The following DOP1A variants were observed in gnomAD, a reference collection of about 807,000 sequenced individuals.
DOP1A encodes protein DOP1A.
DOP1A carries 90 observed loss-of-function variants against 267.6 expected under a neutral mutation model. The observed-to-expected ratio is 0.34, with a 90% CI of 0.28 to 0.40. DOP1A has a LOEUF of 0.40. Among genes scored for constraint, DOP1A ranks in the 10% least tolerant of loss-of-function variants. The probability of loss-of-function intolerance (pLI) is 1.00; values close to 1 mark genes in which losing one functional copy is unlikely to be tolerated. For missense variants in DOP1A, 2,437 were observed against 2,900.4 expected, an observed-to-expected ratio of 0.84 and a Z score of 3.67; for synonymous variants, 932 against 999.1, an observed-to-expected ratio of 0.93 and a Z score of 1.27.
At chr6:83,104,465 G>A (rs1237780356) in intron 4 of DOP1A, among the ~76,000 whole-genome samples, 5 of 151,978 alleles carry the variant, frequency 3.3e-5, no homozygotes, top group Non-Finnish European at 4.4e-5. Flanking sequence ...TCTTTGTTTA[G>A]TAGAGAATGG....
Position 83,129,119 on chromosome 6 carries a change from TC to T in DOP1A, c.1954del (p.Gln652ArgfsTer5). On this transcript the variant is annotated frameshift_variant, in exon 16 of 39. Transcript: ENST00000349129. LOFTEE classifies it high-confidence loss of function. ...ASTVGSEETI[I>X]QTPSVVTQGT... ...ACTGTGGGATCTGAAGAAACCATCA[TC>T]CAGACCCCTTCCGTAGTCACTCAGG... The T allele has an allele frequency of 6.2e-7, 1 of 1,613,940 alleles. No individual in the cohort carries two copies. Among genetic ancestry groups the T allele is most frequent in the Non-Finnish European group, 8.5e-7 (1 of 1,179,934 alleles).
Position 83,129,012 on chromosome 6 carries a change from T to C in DOP1A, c.1845T>C (p.Asp615=). 3.1e-6 allele frequency: 5 copies of C among 1,613,648 alleles called. No individual in the cohort carries two copies. Among genetic ancestry groups the C allele is most frequent in the Non-Finnish European group, 4.2e-6 (5 of 1,179,798 alleles). Residue 615 remains aspartate (D), a synonymous_variant, in exon 16 of 39, where the codon GAT becomes GAC. Transcript: ENST00000349129. The part of the protein sequence containing the change: ...FIQYQADRTD[D]IDRELSEGQG... ...AATATCAAGCAGACCGAACTGATGA[T>C]ATTGACAGAGAACTGAGTGAGGGCC... is the stretch of plus-strand genomic sequence containing the variant.
chr6:83,069,950 AT>A (rs1315174270), intron 1 of DOP1A, among the ~76,000 whole-genome samples: 1 of 152,218 alleles, frequency 6.6e-6, no homozygotes, highest in Admixed American at 6.5e-5. Context: ...TTAAGAGCTT[AT>A]ATCATGGAAA....
intron 10 of DOP1A, 136 bp from the exon 11 acceptor site, chr6:83,121,794 T>G: frequency 2.3e-6 from 2 of 860,696 alleles, no homozygotes; most frequent in South Asian, 4.2e-5. Flanking sequence ...GAAGTGTGAA[T>G]TTAGCTTAGC....
Position 83,097,122 on chromosome 6 carries a change from C to T in DOP1A, c.138+7C>T. ...ACTTGGAAAACTTAATAAGGTATGT[C>T]TGTATTATCCATTTCATAAAAGGAG... is the stretch of plus-strand genomic sequence containing the variant. On this transcript the variant is annotated splice_region_variant and intron_variant, in intron 3 of 38. Transcript: ENST00000349129. 6.2e-7 allele frequency: 1 copy of T among 1,609,220 alleles called. No individual in the cohort carries two copies. Among genetic ancestry groups the T allele is most frequent in the Non-Finnish European group, 8.5e-7 (1 of 1,178,228 alleles).
intron 20 of DOP1A, among the ~76,000 whole-genome samples, chr6:83,136,574 A>G (rs1778894336): frequency 6.6e-6 from 1 of 152,104 alleles, no homozygotes. Flanking sequence ...ATGGCTATTA[A>G]GTGATGAAGC....
intron 26 of DOP1A, among the ~76,000 whole-genome samples, 154 bp downstream of exon 26, chr6:83,147,445 T>G (rs974489542): frequency 6.6e-6 from 1 of 152,168 alleles, no homozygotes; most frequent in Non-Finnish European, 1.5e-5. Flanking sequence ...GATTCCTAGA[T>G]AGTAAAACAC....
chr6:83,137,407 T>C lies in DOP1A; in HGVS notation c.3365T>C (p.Leu1122Ser). 6.2e-7 allele frequency: 1 copy of C among 1,613,812 alleles called. No homozygotes were observed. Residue 1122 changes from leucine (L) to serine (S), a missense_variant, in exon 21 of 39, where the codon TTG becomes TCG. Leu to Ser is a moderately radical substitution (Grantham distance 145, BLOSUM62 -2). Around this residue, in one of 9 missense-constraint regions of DOP1A, gnomAD observed 878 missense variants for 992.9 expected, o/e 0.88. Transcript: ENST00000349129. ...GCSQSSAGDN[L>S]SYEVDPETVN... ...TCACAGTCCTCTGCTGGGGACAACT[T>C]GAGTTACGAAGTTGATCCTGAAACC...
intron 12 of DOP1A, 34 bp downstream of exon 12, chr6:83,123,016 A>T: frequency 6.4e-7 from 1 of 1,570,848 alleles, no homozygotes; most frequent in Non-Finnish European, 8.6e-7. Flanking sequence ...TAATTTCGTA[A>T]CATCTAAAGC....
chr6:83,123,119 C>CT, intron 12 of DOP1A, 137 bp downstream of exon 12: 1 of 944,128 alleles, frequency 1.1e-6, no homozygotes, highest in Non-Finnish European at 1.5e-6. Context: ...TATCCATAAT[C>CT]TGACTCTACC....
At chr6:83,087,139 G>C (rs1486447771) in intron 1 of DOP1A, among the ~76,000 whole-genome samples, 1 of 152,158 alleles carries the variant, frequency 6.6e-6, no homozygotes, top group Non-Finnish European at 1.5e-5. Flanking sequence ...TATAGGTGAA[G>C]ATAGGTTACA....
intron 4 of DOP1A, among the ~76,000 whole-genome samples, chr6:83,107,204 A>G (rs1316032683): frequency 6.6e-6 from 1 of 152,048 alleles, no homozygotes; most frequent in Non-Finnish European, 1.5e-5. Context: ...ATGTGAGTAC[A>G]TTTGTATTAA....
intron 13 of DOP1A, 36 bp from the exon 14 acceptor site, chr6:83,125,130 T>G: frequency 6.4e-7 from 1 of 1,569,020 alleles, no homozygotes; most frequent in African/African-American, 1.4e-5. Flanking sequence ...TCCCTTCTGT[T>G]TTCTCTCCTC....
At chr6:83,082,263 G>A (rs1486163317) in intron 1 of DOP1A, among the ~76,000 whole-genome samples, 1 of 152,208 alleles carries the variant, frequency 6.6e-6, no homozygotes, top group African/African-American at 2.4e-5. Flanking sequence ...AATCAGCCTA[G>A]GGGTCTATCA....
intron 20 of DOP1A, 108 bp downstream of exon 20, chr6:83,135,986 G>A: frequency 7.5e-7 from 1 of 1,341,662 alleles, no homozygotes; most frequent in Non-Finnish European, 1.0e-6. Context: ...TTTTCTCCAT[G>A]GGCTTATTTT....
rs191667391 is a variant in DOP1A at position 83,094,028 on chromosome 6, C to T, written c.-146-2703C>T. On this transcript the variant is annotated intron_variant, in intron 1 of 38. Transcript: ENST00000349129. ...ATTTTTGTCACCCCAAAAAGAAACC[C>T]TATATTCATTTTGAGTTCATTGTCC... Among the ~76,000 whole-genome samples, 32 of 151,330 alleles carry T rather than the reference C, an allele frequency of 2.1e-4. No individual in the cohort carries two copies. In the East Asian group the frequency reaches 5.2e-3, roughly 25 times the overall value.
At chr6:83,150,307 G>C (rs555545862) in intron 27 of DOP1A, among the ~76,000 whole-genome samples, 1 of 152,276 alleles carries the variant, frequency 6.6e-6, no homozygotes, top group South Asian at 2.1e-4. Flanking sequence ...GTATGTACAG[G>C]TGTTGGAATC....
At chr6:83,145,720 A>AT (rs199519642) in intron 25 of DOP1A, 62 bp downstream of exon 25, 804 of 1,534,716 alleles carry the variant, frequency 5.2e-4, no homozygotes, top group African/African-American at 2.6e-3. Flanking sequence ...TGCTGGTAAG[A>AT]TTTTTTTTTG....
chr6:83,124,879 G>A (rs185947982), intron 13 of DOP1A, 60 bp downstream of exon 13: 48 of 1,345,374 alleles, frequency 3.6e-5, no homozygotes, highest in Admixed American at 1.2e-4. Context: ...CAAATATTTC[G>A]TGTTGTAGGC....
Sources: allele counts gnomAD v4.1 joint callset (sites outside exome capture counted in the v4.1 genomes callset), GRCh38; gene constraint gnomAD v4.1.1; regional missense constraint gnomAD v4.1.1; transcripts MANE v1.5; gene names NCBI Gene and HGNC (gene_info 2026-07-23, HGNC 2026-07-21).